The following MACROD2 variants were observed in gnomAD, a reference collection of about 807,000 sequenced individuals.
The protein encoded by MACROD2 is mono-ADP ribosylhydrolase 2.
Under a neutral mutation model 70.4 loss-of-function variants are expected in MACROD2, and 36 were observed. The ratio of observed to expected loss-of-function variants is 0.51; its 90% CI spans 0.39 to 0.68. MACROD2 has a LOEUF of 0.68. Ranked by LOEUF, MACROD2 falls within the 30% of genes least tolerant of loss-of-function variation. The probability of loss-of-function intolerance (pLI) is 0.00; values close to 1 mark genes in which losing one functional copy is unlikely to be tolerated. For missense variants in MACROD2, 496 were observed against 538.4 expected, an observed-to-expected ratio of 0.92 and a Z score of 0.78; for synonymous variants, 172 against 178.8, an observed-to-expected ratio of 0.96 and a Z score of 0.30.
intron 5 of MACROD2, among the ~76,000 whole-genome samples, chr20:14,688,947 C>T (rs551813650): frequency 7.9e-5 from 12 of 152,116 alleles, no homozygotes; most frequent in Non-Finnish European, 1.3e-4. Flanking sequence ...CTTTTCCTTC[C>T]GCAATTATTC....
At chr20:14,176,205 T>G (rs990001802) in intron 3 of MACROD2, among the ~76,000 whole-genome samples, 13 of 152,224 alleles carry the variant, frequency 8.5e-5, no homozygotes, top group African/African-American at 2.9e-4. Flanking sequence ...CTATGAATCA[T>G]AGGATTGTGA....
At chr20:14,402,980 C>T (rs764341706) in intron 3 of MACROD2, among the ~76,000 whole-genome samples, 7 of 152,014 alleles carry the variant, frequency 4.6e-5, no homozygotes, top group Non-Finnish European at 7.4e-5. Context: ...CAAAATATCT[C>T]GTGTATAAAC....
intron 3 of MACROD2, among the ~76,000 whole-genome samples, chr20:14,231,912 G>C (rs1401680784): frequency 4.6e-5 from 7 of 152,166 alleles, no homozygotes; most frequent in African/African-American, 1.2e-4. Flanking sequence ...ATTTTTTCAT[G>C]TGTCTTTTGG....
At chr20:14,240,692 G>A (rs1238093765) in intron 3 of MACROD2, among the ~76,000 whole-genome samples, 2 of 152,130 alleles carry the variant, frequency 1.3e-5, no homozygotes, top group African/African-American at 2.4e-5. Context: ...CCTACTTGAG[G>A]GCAGAAGGAG....
intron 8 of MACROD2, among the ~76,000 whole-genome samples, chr20:15,605,646 A>C (rs1244867641): frequency 6.6e-6 from 1 of 152,224 alleles, no homozygotes; most frequent in East Asian, 1.9e-4. Flanking sequence ...CATAACATGT[A>C]TAAGTTTGAA....
chr20:14,612,962 G>T (rs1472410489), intron 4 of MACROD2, among the ~76,000 whole-genome samples: 5 of 151,994 alleles, frequency 3.3e-5, no homozygotes, highest in Non-Finnish European at 7.4e-5. Flanking sequence ...CACCTACAGT[G>T]AAGTTTTAAA....
intron 9 of MACROD2, among the ~76,000 whole-genome samples, chr20:15,868,416 A>G (rs1181558584): frequency 6.6e-6 from 1 of 152,086 alleles, no homozygotes; most frequent in Non-Finnish European, 1.5e-5. Context: ...TCCTGGTATC[A>G]TTTATCTATT....
chr20:15,662,300 T>A (rs1352727157), intron 8 of MACROD2, among the ~76,000 whole-genome samples: 1 of 152,200 alleles, frequency 6.6e-6, no homozygotes, highest in East Asian at 1.9e-4. Context: ...GGTCTGGAAA[T>A]ATGGGCATTT....
At chr20:15,801,369 C>T (rs1471225696) in intron 8 of MACROD2, among the ~76,000 whole-genome samples, 1 of 151,706 alleles carries the variant, frequency 6.6e-6, no homozygotes, top group Non-Finnish European at 1.5e-5. Context: ...GTATGACCGT[C>T]ACAGCCACTG....
At chr20:14,218,736 C>A (rs1013255323) in intron 3 of MACROD2, among the ~76,000 whole-genome samples, 1 of 152,156 alleles carries the variant, frequency 6.6e-6, no homozygotes, top group Non-Finnish European at 1.5e-5. Flanking sequence ...TTGGTAATGG[C>A]AAATTCTCTC....
intron 5 of MACROD2, among the ~76,000 whole-genome samples, chr20:14,714,331 C>T (rs573701416): frequency 8.5e-5 from 13 of 152,160 alleles, no homozygotes; most frequent in South Asian, 2.1e-4. Context: ...CACCCACTGG[C>T]GCTCAGACTG....
chr20:14,606,119 C>T (rs1008334437), intron 4 of MACROD2, among the ~76,000 whole-genome samples: 2 of 152,072 alleles, frequency 1.3e-5, no homozygotes, highest in Non-Finnish European at 2.9e-5. Flanking sequence ...TGGAATAATA[C>T]TGAGATGTTT....
Position 14,295,204 on chromosome 20 carries a change from C to G in MACROD2, c.272-198275C>G, listed in dbSNP as rs2082417054. Among the ~76,000 whole-genome samples the G allele has an allele frequency of 4.6e-5, 7 of 151,970 alleles. No individual in the cohort carries two copies. In the South Asian group the frequency reaches 1.4e-3, roughly 31 times the overall value. ...CATTTAAATTCAGCTTGGAAACACT[C>G]TTTATTACTCTTGGGGAAGTTAGGA... On this transcript the variant is annotated intron_variant, in intron 3 of 17. Coordinates refer to ENST00000684519, the MANE Select transcript of MACROD2 (RefSeq NM_001351661.2).
At chr20:15,690,790 C>T (rs2050289829) in intron 8 of MACROD2, among the ~76,000 whole-genome samples, 1 of 152,180 alleles carries the variant, frequency 6.6e-6, no homozygotes, top group African/African-American at 2.4e-5. Context: ...ACATGACCAA[C>T]CAAGACTCCA....
At chr20:14,016,052 T>A (rs1168422396) in intron 2 of MACROD2, among the ~76,000 whole-genome samples, 3 of 152,226 alleles carry the variant, frequency 2.0e-5, no homozygotes, top group Non-Finnish European at 2.9e-5. Flanking sequence ...ACAAAACTTT[T>A]CTGTAGTGGC....
intron 5 of MACROD2, among the ~76,000 whole-genome samples, chr20:14,954,382 G>C (rs1416381176): frequency 1.3e-5 from 2 of 150,174 alleles, no homozygotes; most frequent in Non-Finnish European, 3.0e-5. Flanking sequence ...GAAAAGGCTG[G>C]GACTTGTCAT....
chr20:15,609,376 G>A (rs903180995), intron 8 of MACROD2, among the ~76,000 whole-genome samples: 8 of 152,174 alleles, frequency 5.3e-5, no homozygotes, highest in African/African-American at 1.4e-4. Context: ...GCTCCTATTC[G>A]TCTTGCCAAA....
intron 5 of MACROD2, among the ~76,000 whole-genome samples, chr20:14,791,143 C>T (rs898799311): frequency 1.3e-5 from 2 of 152,072 alleles, no homozygotes; most frequent in Non-Finnish European, 2.9e-5. Flanking sequence ...ATTATAAAAA[C>T]GAACTAGTCC....
chr20:14,127,725 A>G, intron 3 of MACROD2: 1 of 422,070 alleles, frequency 2.4e-6, no homozygotes, highest in Non-Finnish European at 4.6e-6. Context: ...TACACCAGTA[A>G]CAACCACATC....
Sources: allele counts gnomAD v4.1 joint callset (sites outside exome capture counted in the v4.1 genomes callset), GRCh38; gene constraint gnomAD v4.1.1; transcripts MANE v1.5; gene names NCBI Gene and HGNC (gene_info 2026-07-23, HGNC 2026-07-21).